FBXW8: variants seen among roughly 807,000 people sequenced by gnomAD.
The protein encoded by FBXW8 is F-box/WD repeat-containing protein 8.
A neutral mutation model predicts 65.3 loss-of-function variants in FBXW8; 57 were observed. That is an observed-to-expected ratio of 0.87 (90% CI 0.71 to 1.09). The LOEUF is 1.09. Among genes scored for constraint, FBXW8 ranks in the 50% least tolerant of loss-of-function variants. The probability of loss-of-function intolerance (pLI) is 0.00; values close to 1 mark genes in which losing one functional copy is unlikely to be tolerated. For synonymous variants in FBXW8, 308 were observed against 330.2 expected (o/e 0.93, Z 0.73); for missense variants, 777 against 814.8 (o/e 0.95, Z 0.57).
chr12:116,974,519 C>T (rs1187861446), intron 5 of FBXW8, among the ~76,000 whole-genome samples: 5 of 152,188 alleles, frequency 3.3e-5, no homozygotes, highest in South Asian at 2.1e-4. Flanking sequence ...AGGATCCAGC[C>T]GATTCTGAGT....
chr12:117,024,349 G>C, intron 9 of FBXW8, 29 bp downstream of exon 9: 2 of 1,612,550 alleles, frequency 1.2e-6, no homozygotes, highest in Non-Finnish European at 8.5e-7. Flanking sequence ...ACTCTTGGGA[G>C]TTCCTAGTAG....
chr12:116,938,258 A>G (rs917283911), intron 2 of FBXW8, among the ~76,000 whole-genome samples: 1 of 152,108 alleles, frequency 6.6e-6, no homozygotes, highest in Non-Finnish European at 1.5e-5. Context: ...TTGTTGACAC[A>G]TTTCTGTTTT....
Position 116,974,674 on chromosome 12 carries a change from G to T in FBXW8, c.835+9820G>T, listed in dbSNP as rs1884817482. 2.0e-5 allele frequency among the ~76,000 whole-genome samples: 3 copies of T among 152,156 alleles called. No individual in the cohort carries two copies. The South Asian group carries it at 6.2e-4, about 32-fold the overall frequency. On this transcript the variant is annotated intron_variant, in intron 5 of 10. Transcript: ENST00000652555. Reference sequence around the variant, plus strand: ...GCAGGAGGATCACTTGAGCCTGGGAGGTCAAGGCTCCAGTGAGCCATGATC... The same window carrying T: ...GCAGGAGGATCACTTGAGCCTGGGATGTCAAGGCTCCAGTGAGCCATGATC...
intron 8 of FBXW8, 71 bp downstream of exon 8, chr12:117,010,521 C>G (rs1383174305): frequency 6.2e-7 from 1 of 1,601,454 alleles, no homozygotes; most frequent in Non-Finnish European, 8.5e-7. Flanking sequence ...CACTGCGCTG[C>G]TCACACTGCC....
intron 6 of FBXW8, chr12:116,986,472 C>T (rs1480946736): frequency 2.0e-5 from 3 of 151,920 alleles, no homozygotes; most frequent in Non-Finnish European, 4.4e-5. Flanking sequence ...ACTAAAAATA[C>T]AAAAAATTAG....
intron 8 of FBXW8, among the ~76,000 whole-genome samples, chr12:117,013,653 C>T (rs1953877894): frequency 6.6e-6 from 1 of 152,110 alleles, no homozygotes; most frequent in Non-Finnish European, 1.5e-5. Context: ...TCAGAATGGA[C>T]TTTTACAATA....
intron 5 of FBXW8, among the ~76,000 whole-genome samples, chr12:116,966,498 T>A (rs1884334561): frequency 6.6e-6 from 1 of 152,126 alleles, no homozygotes; most frequent in Admixed American, 6.6e-5. Context: ...GCTGCGGTGG[T>A]CGTGCTGTTT....
intron 7 of FBXW8, among the ~76,000 whole-genome samples, chr12:117,008,131 G>A (rs1485038371): frequency 6.6e-6 from 1 of 152,186 alleles, no homozygotes. Flanking sequence ...ACAACTGGAA[G>A]ACATAAAGAC....
At chr12:117,013,156 C>T (rs750624303) in intron 8 of FBXW8, among the ~76,000 whole-genome samples, 5 of 152,088 alleles carry the variant, frequency 3.3e-5, no homozygotes, top group Non-Finnish European at 5.9e-5. Context: ...GCAGGAGAAT[C>T]GCTTGAACCC....
At chr12:117,020,520 GTTTTCATATTTATCTCT>G (rs1954069801) in intron 8 of FBXW8, among the ~76,000 whole-genome samples, 1 of 152,060 alleles carries the variant, frequency 6.6e-6, no homozygotes, top group Non-Finnish European at 1.5e-5. Flanking sequence ...CCCATTCGCA[GTTTTCATATTTATCTCT>G]TTGTGCTCCA....
chr12:117,010,688 T>C (rs767370111), intron 8 of FBXW8, among the ~76,000 whole-genome samples: 1 of 152,232 alleles, frequency 6.6e-6, no homozygotes, highest in Non-Finnish European at 1.5e-5. Flanking sequence ...TTTTAAGCCA[T>C]TTGGTGGCCG....
chr12:116,935,310 A>AGGACATAGAACAGTACCTCGCACGTAC (rs1882077527), intron 2 of FBXW8, among the ~76,000 whole-genome samples: 1 of 152,252 alleles, frequency 6.6e-6, no homozygotes, highest in South Asian at 2.1e-4. Context: ...ATGTGATTTT[A>AGGACATAGAACAGTACCTCGCACGTAC]TGTCCATGTA....
chr12:116,952,027 G>T (rs1883316503), intron 4 of FBXW8, among the ~76,000 whole-genome samples: 1 of 152,174 alleles, frequency 6.6e-6, no homozygotes, highest in Non-Finnish European at 1.5e-5. Flanking sequence ...GACATTCAAA[G>T]CTCTTTGACA....
chr12:116,933,890 G>T (rs1278885443), intron 2 of FBXW8, among the ~76,000 whole-genome samples: 2 of 152,078 alleles, frequency 1.3e-5, no homozygotes, highest in Non-Finnish European at 2.9e-5. Context: ...ATGTCCTGCT[G>T]CTTTATGATT....
At chr12:116,923,419 C>T (rs1417806716) in intron 1 of FBXW8, among the ~76,000 whole-genome samples, 2 of 152,108 alleles carry the variant, frequency 1.3e-5, no homozygotes, top group South Asian at 2.1e-4. Context: ...TTTTCCTTAA[C>T]ATTGAAGGAA....
At chr12:117,010,131 C>G (rs575930699) in intron 7 of FBXW8, among the ~76,000 whole-genome samples, 192 bp from the exon 8 acceptor site, 39 of 152,304 alleles carry the variant, frequency 2.6e-4, no homozygotes, top group South Asian at 2.1e-3. Context: ...CTTTGCATTT[C>G]TTTTTGGCAC....
At chr12:116,964,674 C>G (rs1884201314) in intron 4 of FBXW8, 23 bp from the exon 5 acceptor site, 1 of 1,613,008 alleles carries the variant, frequency 6.2e-7, no homozygotes, top group Admixed American at 1.7e-5. Flanking sequence ...CCTTTTGGAA[C>G]CAAGTGTGTC....
At chr12:116,996,059 C>T (rs754348610) in intron 7 of FBXW8, among the ~76,000 whole-genome samples, 5 of 152,176 alleles carry the variant, frequency 3.3e-5, no homozygotes, top group Non-Finnish European at 5.9e-5. Context: ...TGACGAGCCC[C>T]AGGCCTCATA....
At position 117,028,980 on chromosome 12, in the gene FBXW8, T is replaced by A. The variant is rs1294876651; in HGVS notation, c.*808T>A. The A allele has an allele frequency of 6.6e-6, 1 of 152,138 alleles. No homozygotes were observed. The highest frequency in any genetic ancestry group is 2.4e-5 in the African/African-American group (1 of 41,416). 9.4% of individuals were successfully genotyped at this position (152,138 alleles called of 1,614,324 possible). On this transcript the variant is annotated 3_prime_UTR_variant, in exon 11 of 11. Transcript: ENST00000652555. This position sits in a 1 kb window ranked among gnomAD's most constrained non-coding sequence, Gnocchi z 4.1. ...AAACAGCAACAGCATCCACCTAATA[T>A]ACCTTCAGAATATCAAAGCGAAAAC...
Sources: allele counts gnomAD v4.1 joint callset (sites outside exome capture counted in the v4.1 genomes callset), GRCh38; gene constraint gnomAD v4.1.1; non-coding constraint Gnocchi (gnomAD v3.1); transcripts MANE v1.5; gene names NCBI Gene and HGNC (gene_info 2026-07-23, HGNC 2026-07-21).